The following PRKCH variants were observed in gnomAD, a reference collection of about 807,000 sequenced individuals.
PRKCH encodes the protein protein kinase C eta type.
PRKCH carries 28 observed loss-of-function variants against 82.5 expected under a neutral mutation model. The ratio of observed to expected loss-of-function variants is 0.34; its 90% confidence interval spans 0.25 to 0.47. The LOEUF is 0.47. Ranked by LOEUF, PRKCH falls within the 20% of genes least tolerant of loss-of-function variation. PRKCH has a pLI of 1.00. For missense variants in PRKCH, 705 were observed against 881.8 expected (o/e 0.80, Z 2.54); for synonymous variants, 322 against 327.4 (o/e 0.98, Z 0.18).
At chr14:61,433,468 T>C (rs1230583143) in intron 2 of PRKCH, among the ~76,000 whole-genome samples, 1 of 152,134 alleles carries the variant, frequency 6.6e-6, no homozygotes, top group African/African-American at 2.4e-5. Flanking sequence ...AAGATTTTGG[T>C]TGGACAGGTT....
At chr14:61,231,145 C>A (rs1419772007) in intron 1 of PRKCH, among the ~76,000 whole-genome samples, 1 of 152,224 alleles carries the variant, frequency 6.6e-6, no homozygotes, top group East Asian at 1.9e-4. Flanking sequence ...CACTGAACAG[C>A]TAGCTGTGTG....
chr14:61,190,260 C>G (rs760263675), intron 1 of PRKCH, among the ~76,000 whole-genome samples: 2 of 152,178 alleles, frequency 1.3e-5, no homozygotes, highest in African/African-American at 2.4e-5. Flanking sequence ...GCCCCCAACC[C>G]TTTAAGAAAA....
rs1213337592 is a variant in PRKCH, at chr14:61,321,637, T to G, written c.-465T>G. Reference sequence around the variant, plus strand: ...CCGGGGATGCGGCGGCGGCAGCTGCTTCCTGGTTTGAAGCTCGCCGAGTGG... The same window carrying G: ...CCGGGGATGCGGCGGCGGCAGCTGCGTCCTGGTTTGAAGCTCGCCGAGTGG... On this transcript the variant is annotated 5_prime_UTR_variant, in exon 1 of 14. Transcript: ENST00000332981. The surrounding 1 kb of genome is among the most constrained non-coding windows in gnomAD (Gnocchi z 4.1). 6.5e-6 allele frequency: 1 copy of G among 152,994 alleles called. No individual in the cohort carries two copies. The highest frequency in any genetic ancestry group is 1.9e-4 in the East Asian group (1 of 5,176). The allele number at this position is 152,994 out of a possible 1,614,324, so 9.5% of individuals were successfully genotyped here.
intron 1 of PRKCH, among the ~76,000 whole-genome samples, chr14:61,214,773 T>C (rs549291388): frequency 6.7e-4 from 102 of 152,226 alleles, no homozygotes; most frequent in Middle Eastern, 3.2e-3. Flanking sequence ...GTTTGATAGA[T>C]AGCTTCCTAG....
intron 1 of PRKCH, among the ~76,000 whole-genome samples, chr14:61,257,555 C>T (rs113306404): frequency 2.6e-4 from 39 of 151,614 alleles, no homozygotes; most frequent in Non-Finnish European, 5.3e-4. Context: ...TACATCCTGC[C>T]TTTTCCTAAG....
At chr14:61,229,447 TCACCTGAGG>T (rs1427243172) in intron 1 of PRKCH, among the ~76,000 whole-genome samples, 1 of 152,174 alleles carries the variant, frequency 6.6e-6, no homozygotes, top group Non-Finnish European at 1.5e-5. Flanking sequence ...CTGCCATTGT[TCACCTGAGG>T]CACCTGAATG....
intron 12 of PRKCH, among the ~76,000 whole-genome samples, chr14:61,545,469 A>G (rs1326334575): frequency 6.6e-6 from 1 of 152,160 alleles, no homozygotes; most frequent in Non-Finnish European, 1.5e-5. Flanking sequence ...GCGTATCCCC[A>G]AGAAACCCCT....
At chr14:61,226,425 A>G (rs1047710187) in intron 1 of PRKCH, among the ~76,000 whole-genome samples, 17 of 152,212 alleles carry the variant, frequency 1.1e-4, no homozygotes, top group African/African-American at 2.4e-5. Context: ...GAGAAAGTCA[A>G]GAGAGGAAAG....
intron 12 of PRKCH, among the ~76,000 whole-genome samples, chr14:61,541,229 G>C (rs2033567626): frequency 6.6e-6 from 1 of 152,268 alleles, no homozygotes; most frequent in African/African-American, 2.4e-5. Flanking sequence ...AACTGGGTCA[G>C]AATCTGCGTG....
chr14:61,413,494 A>C (rs1453605146), intron 2 of PRKCH, among the ~76,000 whole-genome samples: 5 of 143,036 alleles, frequency 3.5e-5, no homozygotes, highest in African/African-American at 1.3e-4. Flanking sequence ...ATCAGGTGTG[A>C]GTGACTTCCC....
intron 1 of PRKCH, among the ~76,000 whole-genome samples, chr14:61,234,703 A>C (rs1033561763): frequency 2.6e-5 from 4 of 152,210 alleles, no homozygotes; most frequent in African/African-American, 9.6e-5. Flanking sequence ...AATTCATGCA[A>C]TATCATCTGT....
chr14:61,347,795 T>C (rs1439683257), intron 1 of PRKCH: 1 of 152,522 alleles, frequency 6.6e-6, no homozygotes, highest in African/African-American at 2.4e-5. Flanking sequence ...TTTTACACCA[T>C]GAGCATTGAC....
rs369174333 is a variant in PRKCH at position 61,397,515 on chromosome 14, G to C, written c.427+6227G>C. Among the ~76,000 whole-genome samples the C allele has an allele frequency of 1.1e-4, 16 of 152,244 alleles. No homozygotes were observed. The East Asian group carries it at 2.9e-3, about 27-fold the overall frequency. ...AGAAAACCAGCAAGGCTGACCAGCA[G>C]CAGAACTCTGTGGAGCATCAACATT... On this transcript the variant is annotated intron_variant, in intron 2 of 13. Transcript: ENST00000332981.
chr14:61,448,542 A>G (rs1884335383), intron 4 of PRKCH, among the ~76,000 whole-genome samples: 1 of 152,182 alleles, frequency 6.6e-6, no homozygotes, highest in African/African-American at 2.4e-5. Flanking sequence ...GGGTTGTGGG[A>G]GATCAGAGGA....
intron 1 of PRKCH, among the ~76,000 whole-genome samples, chr14:61,249,868 C>G (rs528739571): frequency 2.6e-5 from 4 of 151,906 alleles, no homozygotes; most frequent in African/African-American, 9.7e-5. Flanking sequence ...ATCCACCCAC[C>G]TCGGCTTCCC....
intron 10 of PRKCH, among the ~76,000 whole-genome samples, chr14:61,500,147 A>T (rs969131318): frequency 6.6e-6 from 1 of 151,296 alleles, no homozygotes; most frequent in African/African-American, 2.4e-5. Context: ...CTGAACTAGC[A>T]GTTGGCTAAC....
chr14:61,483,734 G>A (rs1054304939), intron 9 of PRKCH, among the ~76,000 whole-genome samples: 23 of 152,200 alleles, frequency 1.5e-4, no homozygotes, highest in African/African-American at 3.9e-4. Context: ...AAAGCCGGTG[G>A]CACTTACAAC....
chr14:61,526,598 C>T (rs2042969316), intron 10 of PRKCH, among the ~76,000 whole-genome samples: 1 of 152,250 alleles, frequency 6.6e-6, no homozygotes, highest in Non-Finnish European at 1.5e-5. Context: ...CACCTACCTC[C>T]TCCAAGCCAG....
In PRKCH at chr14:61,322,379, GCTACGA is replaced by G; in HGVS notation, c.280_285del (p.Tyr94_Asp95del). 1.2e-6 allele frequency: 2 copies of G among 1,613,070 alleles called. No homozygotes were observed. The highest frequency in any genetic ancestry group is 1.7e-6 in the Non-Finnish European group (2 of 1,179,690). On this transcript the variant is annotated inframe_deletion, in exon 1 of 14. Transcript: ENST00000332981. ...GCCGTCTTCCACGAGACGCCCCTGG[GCTACGA>G]CCACTTCGTGGCCAACTGCACCCTG... is the stretch of plus-strand genomic sequence containing the variant.
Sources: allele counts gnomAD v4.1 joint callset (sites outside exome capture counted in the v4.1 genomes callset), GRCh38; gene constraint gnomAD v4.1.1; non-coding constraint Gnocchi (gnomAD v3.1); transcripts MANE v1.5; gene names NCBI Gene and HGNC (gene_info 2026-07-23, HGNC 2026-07-21).